Variants in CYP8B1 observed in about 807,000 individuals in gnomAD.
CYP8B1 encodes 7-alpha-hydroxycholest-4-en-3-one 12-alpha-hydroxylase.
For missense variants in CYP8B1, 594 were observed against 643.7 expected, an observed-to-expected ratio of 0.92 and a Z score of 0.84; for synonymous variants, 221 against 251.2, an observed-to-expected ratio of 0.88 and a Z score of 1.14.
rs201871190 is a variant in CYP8B1, at chr3:42,874,090, T to C, written c.*221A>G. 2.7e-5 allele frequency: 15 copies of C among 558,652 alleles called. No individual in the cohort carries two copies. In the East Asian group the frequency reaches 3.6e-4, roughly 13 times the overall value. The allele number at this position is 558,652 out of a possible 1,614,324, so 34.6% of individuals were successfully genotyped here. A position where few individuals can be genotyped will look rare whatever the true frequency, so the allele number is the denominator to read the frequency against. Reference sequence around the variant, plus strand: ...CTCTGGACTTCCTGTGAGAGGAGGGTTCGGCAGAACCCACTCTGAGAGATG... The same window carrying C: ...CTCTGGACTTCCTGTGAGAGGAGGGCTCGGCAGAACCCACTCTGAGAGATG... On this transcript the variant is annotated 3_prime_UTR_variant, in exon 1 of 1. Transcript: ENST00000316161.
rs777422325 is a variant in CYP8B1, at chr3:42,874,271, A to G, written c.*40T>C. The stretch of plus-strand genomic sequence containing the variant: ...GGTGAGAACAGGTGAGAGATGCAAT[A>G]GAACTCCTCTGGCCAGGTTTGCAGC... On this transcript the variant is annotated 3_prime_UTR_variant, in exon 1 of 1. Coordinates refer to ENST00000316161, the MANE Select transcript of CYP8B1 (RefSeq NM_004391.3). The G allele has an allele frequency of 6.3e-7, 1 of 1,584,370 alleles. No individual in the cohort carries two copies. The highest frequency in any genetic ancestry group is 8.6e-7 in the Non-Finnish European group (1 of 1,162,024).
Position 42,875,481 on chromosome 3 carries a change from T to C in CYP8B1, c.336A>G (p.Gly112=), listed in dbSNP as rs1200534083. ...YAKKLVLKVF[G]YRSVQGDHEM... is the part of the protein sequence containing the mutation. The stretch of plus-strand genomic sequence containing the variant: ...CATGGTCCCCTTGCACTGAACGGTA[T>C]CCAAATACCTTCAGCACCAGTTTTT... Residue 112 remains glycine (G), a synonymous_variant, in exon 1 of 1, where the codon GGA becomes GGG. Transcript: ENST00000316161. The C allele has an allele frequency of 1.3e-6, 2 of 1,568,978 alleles. No individual in the cohort carries two copies. Among genetic ancestry groups the C allele is most frequent in the Non-Finnish European group, 8.7e-7 (1 of 1,155,680 alleles).
Position 42,875,121 on chromosome 3 carries a change from G to A in CYP8B1, c.696C>T (p.Leu232=), listed in dbSNP as rs1319295253. The A allele has an allele frequency of 5.0e-6, 8 of 1,613,366 alleles. No individual in the cohort carries two copies. In the South Asian group the frequency reaches 8.8e-5, roughly 18 times the overall value. ...AGAGCATCTTGTGAAAGAGACGCTG[G>A]AGTCGGCCCACTTCTAGCCACTCCC... is the stretch of plus-strand genomic sequence containing the variant. ...WPREWLEVGR[L]QRLFHKMLSV... Residue 232 remains leucine, a synonymous_variant, in exon 1 of 1, where the codon CTC becomes CTT. Coordinates refer to ENST00000316161, the MANE Select transcript of CYP8B1 (RefSeq NM_004391.3).
rs1325696420 is a variant in CYP8B1, at chr3:42,873,528, T to A, written c.*783A>T. 6.6e-6 allele frequency: 1 copy of A among 152,256 alleles called. No individual in the cohort carries two copies. Among genetic ancestry groups the A allele is most frequent in the Non-Finnish European group, 1.5e-5 (1 of 68,052 alleles). 9.4% of individuals were successfully genotyped at this position (152,256 alleles called of 1,614,324 possible). ...AAAGGGAAGGTAAAAACTATTACGT[T>A]AAAATTTTTAATAGTGATCACGTTG... is the stretch of plus-strand genomic sequence containing the variant. On this transcript the variant is annotated 3_prime_UTR_variant, in exon 1 of 1. Transcript: ENST00000316161.
At position 42,875,621 on chromosome 3, in the gene CYP8B1, C is replaced by A; in HGVS notation, c.196G>T (p.Asp66Tyr). 1 of 1,489,660 alleles carries A rather than the reference C, an allele frequency of 6.7e-7. No homozygotes were observed. The allele number at this position is 1,489,660 out of a possible 1,614,324, so 92.3% of individuals were successfully genotyped here. Residue 66 changes from aspartate to tyrosine, a missense_variant, in exon 1 of 1, where the codon GAT becomes TAT. Asp to Tyr is a radical substitution (Grantham distance 160). Coordinates refer to ENST00000316161, the MANE Select transcript of CYP8B1 (RefSeq NM_004391.3). ...CCCCCTAGCTGCACTGTGAACACATCCCCATGCTTGGTCCTCATGCGCTTC... is the reference window on the plus strand; with the variant it reads ...CCCCCTAGCTGCACTGTGAACACATACCCATGCTTGGTCCTCATGCGCTTC... ...FLKRMRTKHG[D>Y]VFTVQLGGQY...
chr3:42,875,791 C>T lies in CYP8B1; in HGVS notation c.26G>A (p.Gly9Glu). MVLWGPVL[G>E]ALLVVIAGYL... The stretch of plus-strand genomic sequence containing the variant: ...TCCAGCAATGACCACCAGCAGAGCT[C>T]CCAGCACTGGACCCCAGAGAACCAT... The change falls in exon 1 of 1, where the codon GGA (glycine) becomes GAA (glutamate). Residue 9 changes from glycine to glutamate, a missense_variant. By Grantham distance (98) the Gly-to-Glu change is moderately conservative (BLOSUM62 -2). Transcript: ENST00000316161. The T allele has an allele frequency of 7.2e-7, 1 of 1,395,250 alleles. No individual in the cohort carries two copies. Among genetic ancestry groups the T allele is most frequent in the Non-Finnish European group, 9.3e-7 (1 of 1,070,262 alleles). 86.4% of individuals were successfully genotyped at this position (1,395,250 alleles called of 1,614,324 possible). A position where few individuals can be genotyped will look rare whatever the true frequency, so the allele number is the denominator to read the frequency against.
chr3:42,874,402 A>T lies in CYP8B1; in HGVS notation c.1415T>A (p.Leu472Gln). 2 of 1,614,128 alleles carry T rather than the reference A, an allele frequency of 1.2e-6. No individual in the cohort carries two copies. The highest frequency in any genetic ancestry group is 1.7e-6 in the Non-Finnish European group (2 of 1,180,018). The stretch of plus-strand genomic sequence containing the variant: ...CCAGCGCTGCGGGTCAACATGGGGT[A>T]GTGGTGTGTCAGGGTCCACCAACTC... ...DLELVDPDTP[L>Q]PHVDPQRWGF... The change falls in exon 1 of 1, where the codon CTA (leucine) becomes CAA (glutamine). Residue 472 changes from leucine (L) to glutamine (Q), a missense_variant. Leu to Gln is a moderately radical substitution (Grantham distance 113). Coordinates refer to ENST00000316161, the MANE Select transcript of CYP8B1 (RefSeq NM_004391.3).
rs1007428881 is a variant in CYP8B1, at chr3:42,873,999, G to C, written c.*312C>G. 1.3e-5 allele frequency: 5 copies of C among 382,600 alleles called. No individual in the cohort carries two copies. The highest frequency in any genetic ancestry group is 2.0e-5 in the African/African-American group (1 of 49,390). 23.7% of individuals were successfully genotyped at this position (382,600 alleles called of 1,614,324 possible). ...TCGTGTCTGGGGGGAACCAGTCTCT[G>C]TACTCAGGACTTCTCAAGGCAGGCA... is the stretch of plus-strand genomic sequence containing the variant. On this transcript the variant is annotated 3_prime_UTR_variant, in exon 1 of 1. Coordinates refer to ENST00000316161, the MANE Select transcript of CYP8B1 (RefSeq NM_004391.3).
In CYP8B1 at chr3:42,875,746, A is replaced by T; in HGVS notation, c.71T>A (p.Met24Lys). 1 of 1,439,012 alleles carries T rather than the reference A, an allele frequency of 6.9e-7. No individual in the cohort carries two copies. Among genetic ancestry groups the T allele is most frequent in the Admixed American group, 2.7e-5 (1 of 37,372 alleles). The allele number at this position is 1,439,012 out of a possible 1,614,324, so 89.1% of individuals were successfully genotyped here. A position where few individuals can be genotyped will look rare whatever the true frequency, so the allele number is the denominator to read the frequency against. The change falls in exon 1 of 1, where the codon ATG (methionine) becomes AAG (lysine). Residue 24 changes from methionine (M) to lysine (K), a missense_variant. Transcript: ENST00000316161. ...CTCCCATGGCCTGCGTTGTCGGAGC[A>T]TCCCTGGCAGGCACAGGTATCCAGC... ...VIAGYLCLPGMLRQRRPWEPP... is the reference protein window; with the variant it reads ...VIAGYLCLPGKLRQRRPWEPP...
At position 42,875,363 on chromosome 3, in the gene CYP8B1, G is replaced by C. The variant is rs2088508813; in HGVS notation, c.454C>G (p.Leu152Val). 6.2e-7 allele frequency: 1 copy of C among 1,614,118 alleles called. No individual in the cohort carries two copies. The highest frequency in any genetic ancestry group is 8.5e-7 in the Non-Finnish European group (1 of 1,180,020). ...TMLDSLSFVM[L>V]TSKGWSLDAS... The stretch of plus-strand genomic sequence containing the variant: ...TCCAGACTCCAGCCTTTGGACGTCA[G>C]CATTACAAAGGACAGGCTGTCCAGC... The change falls in exon 1 of 1, where the codon CTG becomes GTG. Residue 152 changes from leucine (L) to valine (V), a missense_variant. Leu to Val is a conservative substitution (Grantham distance 32). Transcript: ENST00000316161.
rs755164557 is a variant in CYP8B1, at chr3:42,874,614, G to A, written c.1203C>T (p.Thr401=). 9.9e-6 allele frequency: 16 copies of A among 1,613,970 alleles called. No individual in the cohort carries two copies. In the East Asian group the frequency reaches 1.8e-4, roughly 18 times the overall value. ...TGAGGAAGCGATCGTACTTGAAGAC[G>A]GTGGGCTCAGGGTGGATGTCAGGGT... The part of the protein sequence containing the change: ...HMDPDIHPEP[T]VFKYDRFLNP... The change falls in exon 1 of 1, where the codon ACC becomes ACT. Residue 401 remains threonine, a synonymous_variant. Coordinates refer to ENST00000316161, the MANE Select transcript of CYP8B1 (RefSeq NM_004391.3).
rs748813794 is a variant in CYP8B1, at chr3:42,875,017, A to G, written c.800T>C (p.Val267Ala). 1 of 1,613,562 alleles carries G rather than the reference A, an allele frequency of 6.2e-7. No homozygotes were observed. Residue 267 changes from valine (V) to alanine (A), a missense_variant, in exon 1 of 1, where the codon GTA (valine) becomes GCA (alanine). Val to Ala is a moderately conservative substitution (Grantham distance 64). Transcript: ENST00000316161. ...NMLQFLREQG[V>A]PSAMQDKFNF... ...GAACTTGTCCTGCATAGCTGAGGGT[A>G]CCCCCTGCTCCCTCAGAAACTGAAG...
chr3:42,874,126 G>A lies in CYP8B1; in HGVS notation c.*185C>T, dbSNP rs1286739169. On this transcript the variant is annotated 3_prime_UTR_variant, in exon 1 of 1. Transcript: ENST00000316161. ...CCACTCTGAGAGATGGTATTTTAAAGAGAATGATAAGCCTGTCAGATGACT... is the reference window on the plus strand; with the variant it reads ...CCACTCTGAGAGATGGTATTTTAAAAAGAATGATAAGCCTGTCAGATGACT... The A allele has an allele frequency of 3.8e-5, 23 of 600,644 alleles. No homozygotes were observed. Among genetic ancestry groups the A allele is most frequent in the Middle Eastern group, 4.5e-4 (1 of 2,246 alleles). 37.2% of individuals were successfully genotyped at this position (600,644 alleles called of 1,614,324 possible).
chr3:42,874,500 G>C lies in CYP8B1; in HGVS notation c.1317C>G (p.Ile439Met). ...YTMPWGSGVSICPGRFFALSE... is the reference protein window; with the variant it reads ...YTMPWGSGVSMCPGRFFALSE... The stretch of plus-strand genomic sequence containing the variant: ...TGAGTGCAAAGAACCTCCCAGGGCA[G>C]ATGGAAACGCCCGAACCCCAGGGCA... The change falls in exon 1 of 1, where the codon ATC becomes ATG. Residue 439 changes from isoleucine to methionine, a missense_variant. Transcript: ENST00000316161. The C allele has an allele frequency of 5.0e-6, 8 of 1,614,164 alleles. No individual in the cohort carries two copies. The highest frequency in any genetic ancestry group is 6.8e-6 in the Non-Finnish European group (8 of 1,180,016).
At position 42,874,900 on chromosome 3, in the gene CYP8B1, C is replaced by A. The variant is rs148690797; in HGVS notation, c.917G>T (p.Arg306Leu). The change falls in exon 1 of 1, where the codon CGG (arginine) becomes CTG (leucine). Residue 306 changes from arginine to leucine, a missense_variant. By Grantham distance (102) the Arg-to-Leu change is moderately radical. Transcript: ENST00000316161. ...LYLLKHPEAI[R>L]AVREEATQVL... ...CTGGGTAGCTTCCTCCCTCACAGCC[C>A]GAATAGCTTCTGGGTGCTTCAGGAG... 6.3e-7 allele frequency: 1 copy of A among 1,599,248 alleles called. No homozygotes were observed. The highest frequency in any genetic ancestry group is 1.3e-5 in the African/African-American group (1 of 74,580).
chr3:42,874,895 C>T lies in CYP8B1; in HGVS notation c.922G>A (p.Val308Met). The T allele has an allele frequency of 1.3e-6, 2 of 1,598,846 alleles. No homozygotes were observed. The highest frequency in any genetic ancestry group is 1.7e-6 in the Non-Finnish European group (2 of 1,171,066). Residue 308 changes from valine to methionine, a missense_variant, in exon 1 of 1, where the codon GTG becomes ATG. Transcript: ENST00000316161. ...LLKHPEAIRA[V>M]REEATQVLGE... Reference sequence around the variant, plus strand: ...AGGACCTGGGTAGCTTCCTCCCTCACAGCCCGAATAGCTTCTGGGTGCTTC... The same window carrying T: ...AGGACCTGGGTAGCTTCCTCCCTCATAGCCCGAATAGCTTCTGGGTGCTTC...
Position 42,874,424 on chromosome 3 carries a change from A to G in CYP8B1, c.1393T>C (p.Leu465=). ...LLMVTHFDLE[L]VDPDTPLPHV... ...GGTAGTGGTGTGTCAGGGTCCACCA[A>G]CTCTAAGTCAAAGTGTGTGACCATA... is the stretch of plus-strand genomic sequence containing the variant. The change falls in exon 1 of 1, where the codon TTG becomes CTG. Residue 465 remains leucine (L), a synonymous_variant. Transcript: ENST00000316161. 1 of 1,613,976 alleles carries G rather than the reference A, an allele frequency of 6.2e-7. No homozygotes were observed. The highest frequency in any genetic ancestry group is 1.1e-5 in the South Asian group (1 of 91,078).
Position 42,874,701 on chromosome 3 carries a change from C to T in CYP8B1, c.1116G>A (p.Gln372=). ...EDYTLKMSSG[Q]EYLFRHGDIL... is the part of the protein sequence containing the mutation. ...TGTCTCCATGGCGGAACAGATACTCCTGCCCACTGGACATCTTCAGGGTAT... is the reference window on the plus strand; with the variant it reads ...TGTCTCCATGGCGGAACAGATACTCTTGCCCACTGGACATCTTCAGGGTAT... The change falls in exon 1 of 1, where the codon CAG becomes CAA. Residue 372 remains glutamine (Q), a synonymous_variant. Transcript: ENST00000316161. 6.2e-7 allele frequency: 1 copy of T among 1,613,856 alleles called. No homozygotes were observed. The highest frequency in any genetic ancestry group is 8.5e-7 in the Non-Finnish European group (1 of 1,179,952).
chr3:42,875,646 C>T lies in CYP8B1; in HGVS notation c.171G>A (p.Leu57=), dbSNP rs972673647. Residue 57 remains leucine, a synonymous_variant, in exon 1 of 1, where the codon CTG becomes CTA. Coordinates refer to ENST00000316161, the MANE Select transcript of CYP8B1 (RefSeq NM_004391.3). ...MAFRKNMFEF[L]KRMRTKHGDV... ...CCCCATGCTTGGTCCTCATGCGCTT[C>T]AGAAATTCAAACATATTCTTCCGGA... 1.4e-6 allele frequency: 2 copies of T among 1,481,386 alleles called. No individual in the cohort carries two copies. Among genetic ancestry groups the T allele is most frequent in the African/African-American group, 2.8e-5 (2 of 70,180 alleles). 91.8% of individuals were successfully genotyped at this position (1,481,386 alleles called of 1,614,324 possible).
Sources: gnomAD v4.1 joint callset for allele counts on GRCh38, gnomAD v4.1.1 for gene constraint, MANE v1.5 for transcripts, NCBI Gene and HGNC (gene_info 2026-07-23, HGNC 2026-07-21) for gene names.